The following NOL4 variants were observed in gnomAD, a reference collection of about 807,000 sequenced individuals.
The protein encoded by NOL4 is cancer/testis antigen 125.
A neutral mutation model predicts 75.9 loss-of-function variants in NOL4; 17 were observed. That is an observed-to-expected ratio of 0.22 (90% CI 0.15 to 0.34). The LOEUF (loss-of-function observed/expected upper bound fraction) is 0.34, where lower values mean the gene tolerates loss of function less well. NOL4 is among the 10% of genes least tolerant of loss of function. The probability of loss-of-function intolerance (pLI) is 1.00; values close to 1 mark genes in which losing one functional copy is unlikely to be tolerated. For synonymous variants in NOL4, 292 were observed against 289.9 expected, an observed-to-expected ratio of 1.01 and a Z score of -0.07; for missense variants, 614 against 793.5, an observed-to-expected ratio of 0.77 and a Z score of 2.72.
At position 33,958,370 on chromosome 18, in the gene NOL4, C is replaced by T. The variant is rs746858981; in HGVS notation, c.1105G>A (p.Val369Ile). The T allele has an allele frequency of 2.5e-6, 4 of 1,613,486 alleles. No individual in the cohort carries two copies. Among genetic ancestry groups the T allele is most frequent in the Non-Finnish European group, 3.4e-6 (4 of 1,179,630 alleles). Residue 369 changes from valine (V) to isoleucine (I), a missense_variant, in exon 7 of 11, where the codon GTA becomes ATA. This residue lies in a region of NOL4 where 196 missense variants were observed against 167.9 expected (regional missense o/e 1.17). Transcript: ENST00000261592. ...GAGAGGTCCTCAGCTCCTCGGTCTA[C>T]ACTCTCATTTTTGCCAGAGTCATAG... is the stretch of plus-strand genomic sequence containing the variant. ...SSYDSGKNES[V>I]DRGAEDLSLN...
chr18:33,909,708 T>C (rs945488014), intron 9 of NOL4, among the ~76,000 whole-genome samples: 1 of 152,102 alleles, frequency 6.6e-6, no homozygotes, highest in Admixed American at 6.5e-5. Flanking sequence ...ATGCCTTCTA[T>C]CTACTAGGCT....
At chr18:34,049,072 GCGCACACACACACACACACACACACACA>G (rs1246133622) in intron 5 of NOL4, among the ~76,000 whole-genome samples, 19 of 126,260 alleles carry the variant, frequency 1.5e-4, no homozygotes, top group Admixed American at 1.4e-3. Context: ...ATACAGGCGC[GCGCACACACACACACACACACACACACA>G]CACACACACA....
chr18:33,968,396 G>A (rs530699486), intron 6 of NOL4, among the ~76,000 whole-genome samples: 6 of 152,106 alleles, frequency 3.9e-5, no homozygotes, highest in Non-Finnish European at 7.4e-5. Flanking sequence ...GCCCATCAGT[G>A]GTGGACTGGA....
At chr18:33,877,434 C>T (rs374277515) in intron 10 of NOL4, among the ~76,000 whole-genome samples, 76 of 133,528 alleles carry the variant, frequency 5.7e-4, no homozygotes, top group African/African-American at 1.4e-3. Flanking sequence ...GGAGACCTTG[C>T]CTTAAAAAAA....
At chr18:34,092,428 T>C (rs1472142948) in intron 5 of NOL4, among the ~76,000 whole-genome samples, 1 of 152,270 alleles carries the variant, frequency 6.6e-6, no homozygotes, top group South Asian at 2.1e-4. Context: ...TTAAGATTAA[T>C]CTGAAGTGAG....
intron 6 of NOL4, among the ~76,000 whole-genome samples, chr18:33,985,837 A>G (rs1224441449): frequency 6.6e-6 from 1 of 152,132 alleles, no homozygotes; most frequent in African/African-American, 2.4e-5. Flanking sequence ...TGACTTCCTT[A>G]ATCTCTCTAA....
At chr18:34,020,454 G>A (rs1225148079) in intron 5 of NOL4, among the ~76,000 whole-genome samples, 2 of 152,226 alleles carry the variant, frequency 1.3e-5, no homozygotes, top group Non-Finnish European at 2.9e-5. Context: ...TGCATCTAAA[G>A]CATTAAAAGT....
At chr18:34,059,073 C>G (rs56088563) in intron 5 of NOL4, among the ~76,000 whole-genome samples, 48,801 of 142,298 alleles carry the variant, frequency 0.34, 8,619 homozygotes, top group South Asian at 0.51. Context: ...TTTATCATGA[C>G]AAAAAATGTT....
At chr18:34,025,816 GATC>G (rs2075311625) in intron 5 of NOL4, among the ~76,000 whole-genome samples, 1 of 152,082 alleles carries the variant, frequency 6.6e-6, no homozygotes, top group Non-Finnish European at 1.5e-5. Flanking sequence ...GAAACCCTGT[GATC>G]ATACTAGACC....
intron 10 of NOL4, among the ~76,000 whole-genome samples, chr18:33,866,309 A>G (rs1191614454): frequency 1.3e-5 from 2 of 152,120 alleles, no homozygotes; most frequent in Non-Finnish European, 2.9e-5. Context: ...TTTTTACACC[A>G]ATTAAAACAT....
At chr18:33,913,814 T>C (rs1390719973) in intron 9 of NOL4, among the ~76,000 whole-genome samples, 3 of 152,130 alleles carry the variant, frequency 2.0e-5, no homozygotes, top group Non-Finnish European at 2.9e-5. Flanking sequence ...AAACTAAACC[T>C]ATGTGTGTGA....
chr18:33,937,102 T>TA (rs1227834323), intron 9 of NOL4, among the ~76,000 whole-genome samples: 7 of 152,008 alleles, frequency 4.6e-5, no homozygotes, highest in African/African-American at 1.7e-4. Flanking sequence ...CTAGATAACG[T>TA]AAAAAATACA....
intron 5 of NOL4, among the ~76,000 whole-genome samples, chr18:34,087,870 A>G (rs1253982116): frequency 2.0e-5 from 3 of 152,004 alleles, no homozygotes; most frequent in African/African-American, 7.2e-5. Context: ...GGCTCAAAGG[A>G]CCATGGGAAA....
chr18:34,172,824 G>A (rs944632771), intron 1 of NOL4, among the ~76,000 whole-genome samples: 2 of 152,022 alleles, frequency 1.3e-5, no homozygotes, highest in Non-Finnish European at 2.9e-5. Flanking sequence ...ATTTGGAAAA[G>A]TATCTGTTCT....
At chr18:33,971,336 A>G (rs2071041339) in intron 6 of NOL4, among the ~76,000 whole-genome samples, 1 of 152,218 alleles carries the variant, frequency 6.6e-6, no homozygotes, top group Non-Finnish European at 1.5e-5. Context: ...CAGAAGTGAC[A>G]GTGAACATTC....
At chr18:33,929,861 A>C (rs1032697730) in intron 9 of NOL4, among the ~76,000 whole-genome samples, 4 of 152,108 alleles carry the variant, frequency 2.6e-5, no homozygotes, top group Non-Finnish European at 5.9e-5. Flanking sequence ...ACAGTTCAAA[A>C]ACCATGGAAA....
chr18:34,142,418 A>C (rs200326080), intron 1 of NOL4, among the ~76,000 whole-genome samples: 5 of 152,158 alleles, frequency 3.3e-5, no homozygotes, highest in African/African-American at 4.8e-5. Context: ...ATAGCAAAGA[A>C]TTGGAACCAA....
At chr18:33,915,397 TA>T (rs1272772077) in intron 9 of NOL4, among the ~76,000 whole-genome samples, 1 of 151,964 alleles carries the variant, frequency 6.6e-6, no homozygotes, top group African/African-American at 2.4e-5. Context: ...GATAATATTT[TA>T]TTTTTTTTGC....
At chr18:33,888,963 G>C (rs2064933941) in intron 9 of NOL4, among the ~76,000 whole-genome samples, 1 of 151,966 alleles carries the variant, frequency 6.6e-6, no homozygotes, top group South Asian at 2.1e-4. Flanking sequence ...AAAAGAACTA[G>C]AGAAGCAAGA....
Sources: gnomAD v4.1 joint callset for allele counts (sites outside exome capture counted in the v4.1 genomes callset) on GRCh38, gnomAD v4.1.1 for gene constraint, gnomAD v4.1.1 regional missense constraint, MANE v1.5 for transcripts, NCBI Gene and HGNC (gene_info 2026-07-23, HGNC 2026-07-21) for gene names.